Variants in CSMD1 observed in about 807,000 individuals in gnomAD.
CSMD1 encodes the protein CUB and sushi domain-containing protein 1.
A neutral mutation model predicts 417.5 loss-of-function variants in CSMD1; 213 were observed. That is an observed-to-expected ratio of 0.51 (90% confidence interval 0.46 to 0.57). The LOEUF is 0.57. Ranked by LOEUF, CSMD1 falls within the 20% of genes least tolerant of loss-of-function variation. The probability of loss-of-function intolerance (pLI) is 0.00; values close to 1 mark genes in which losing one functional copy is unlikely to be tolerated. For missense variants in CSMD1, 6,923 were observed against 4,529.7 expected (o/e 1.53, Z -15.17); for synonymous variants, 2,862 against 1,736.8 (o/e 1.65, Z -16.11).
intron 50 of CSMD1, among the ~76,000 whole-genome samples, chr8:3,047,592 T>C (rs1427404672): frequency 1.3e-5 from 2 of 152,214 alleles, no homozygotes; most frequent in Non-Finnish European, 2.9e-5. Flanking sequence ...GCTGTCCTGA[T>C]GGAATCCAGG....
intron 3 of CSMD1, among the ~76,000 whole-genome samples, chr8:4,353,329 G>C (rs537033870): frequency 9.1e-4 from 139 of 152,202 alleles, no homozygotes; most frequent in Non-Finnish European, 1.8e-3. Context: ...CACCATGTAA[G>C]ATGTGACTTT....
intron 1 of CSMD1, among the ~76,000 whole-genome samples, chr8:4,944,437 T>G (rs1808228688): frequency 6.6e-6 from 1 of 152,164 alleles, no homozygotes; most frequent in Non-Finnish European, 1.5e-5. Flanking sequence ...TGAGATATAA[T>G]TTTCATTCTT....
At chr8:4,756,258 C>G (rs1262085432) in intron 1 of CSMD1, among the ~76,000 whole-genome samples, 1 of 152,102 alleles carries the variant, frequency 6.6e-6, no homozygotes, top group African/African-American at 2.4e-5. Context: ...CAGAAAAGAG[C>G]TAGTATAAAA....
At position 4,841,983 on chromosome 8, in the gene CSMD1, G is replaced by C. The variant is rs76056454; in HGVS notation, c.85+152349C>G. On this transcript the variant is annotated intron_variant, in intron 1 of 69. Coordinates refer to ENST00000635120, the MANE Select transcript of CSMD1 (RefSeq NM_033225.6). ...ACTGTCCTGAATGCATTTTTGTCCT[G>C]CCTCTAATTGATAGGGAAACCCTAG... is the stretch of plus-strand genomic sequence containing the variant. Among the ~76,000 whole-genome samples, 151 of 144,658 alleles carry C rather than the reference G, an allele frequency of 1.0e-3. 4 individuals carry two copies. The highest frequency in any genetic ancestry group is 3.8e-3 in the African/African-American group (148 of 39,092). 94.9% of individuals were successfully genotyped at this position (144,658 alleles called of 152,430 possible).
chr8:3,239,542 A>C (rs1212576039), intron 26 of CSMD1, among the ~76,000 whole-genome samples: 1 of 152,150 alleles, frequency 6.6e-6, no homozygotes, highest in Admixed American at 6.5e-5. Context: ...GCAGGGGCAA[A>C]TCCTGGAGCT....
chr8:3,810,246 C>G (rs140756617), intron 5 of CSMD1, among the ~76,000 whole-genome samples: 86 of 152,162 alleles, frequency 5.7e-4, no homozygotes, highest in African/African-American at 1.6e-3. Flanking sequence ...ATAGAGATTT[C>G]AAAAGGAATG....
chr8:3,459,557 C>A (rs1316666285), intron 12 of CSMD1, among the ~76,000 whole-genome samples: 1 of 152,116 alleles, frequency 6.6e-6, no homozygotes, highest in Non-Finnish European at 1.5e-5. Context: ...CATGGGAGAT[C>A]TGTGCAGAAA....
chr8:3,708,307 G>C, intron 7 of CSMD1, 107 bp downstream of exon 7: 1 of 819,324 alleles, frequency 1.2e-6, no homozygotes, highest in Non-Finnish European at 2.0e-6. Context: ...AAAGAAGGAA[G>C]AGATAACGTG....
intron 25 of CSMD1, among the ~76,000 whole-genome samples, chr8:3,298,578 C>T (rs573740885): frequency 4.0e-4 from 61 of 152,214 alleles, no homozygotes; most frequent in African/African-American, 1.1e-3. Flanking sequence ...CTCAGCCTCC[C>T]GAGTAGCTGG....
intron 3 of CSMD1, among the ~76,000 whole-genome samples, chr8:4,095,344 C>T (rs1214021991): frequency 6.6e-6 from 1 of 152,030 alleles, no homozygotes; most frequent in African/African-American, 2.4e-5. Context: ...CAGCTTCCTG[C>T]ATTGCCTGGT....
chr8:4,001,877 C>A (rs1225578571), intron 4 of CSMD1, among the ~76,000 whole-genome samples: 2 of 150,962 alleles, frequency 1.3e-5, no homozygotes, highest in Non-Finnish European at 3.0e-5. Context: ...AAGAAAAAAA[C>A]AATTAAGGTA....
intron 6 of CSMD1, among the ~76,000 whole-genome samples, chr8:3,710,053 T>C (rs1258754372): frequency 6.6e-6 from 1 of 152,034 alleles, no homozygotes. Context: ...GCCTTACCAA[T>C]AACATAAACA....
intron 2 of CSMD1, among the ~76,000 whole-genome samples, chr8:4,635,463 T>C (rs1045294776): frequency 1.3e-5 from 2 of 152,122 alleles, no homozygotes; most frequent in South Asian, 4.1e-4. Context: ...GTCAGTCAAA[T>C]TAAGACAGGT....
intron 13 of CSMD1, 51 bp from the exon 14 acceptor site, chr8:3,408,276 T>G (rs374768758): frequency 1.4e-6 from 2 of 1,414,870 alleles, no homozygotes; most frequent in Non-Finnish European, 1.9e-6. Context: ...ATCCAAAGAA[T>G]TGCCATGTGA....
At chr8:3,356,252 G>C (rs541228277) in intron 21 of CSMD1, among the ~76,000 whole-genome samples, 3 of 152,218 alleles carry the variant, frequency 2.0e-5, no homozygotes, top group Admixed American at 6.5e-5. Context: ...AAGCATGGAT[G>C]AATCAAATTT....
chr8:3,650,279 GA>G lies in CSMD1; in HGVS notation c.1010-33483del, dbSNP rs35796175. On this transcript the variant is annotated intron_variant, in intron 7 of 69. Transcript: ENST00000635120. ...GGTGACAGAGCAAGACTCTTTCTCA[GA>G]AAAAAAAAAGAAAAGTAAAGAAAAA... 2.0e-4 allele frequency among the ~76,000 whole-genome samples: 29 copies of G among 145,650 alleles called. No homozygotes were observed. The East Asian group carries it at 3.4e-3, about 17-fold the overall frequency.
intron 3 of CSMD1, among the ~76,000 whole-genome samples, chr8:4,407,738 G>T (rs969385205): frequency 6.6e-6 from 1 of 152,148 alleles, no homozygotes; most frequent in Non-Finnish European, 1.5e-5. Context: ...ATTCATGCAT[G>T]TAAGCATTCC....
At chr8:3,764,457 G>C (rs1798163744) in intron 5 of CSMD1, among the ~76,000 whole-genome samples, 2 of 152,162 alleles carry the variant, frequency 1.3e-5, no homozygotes, top group Admixed American at 6.5e-5. Context: ...GAAGACATGC[G>C]TGTGAGTGAG....
intron 5 of CSMD1, among the ~76,000 whole-genome samples, chr8:3,960,171 T>C (rs917146841): frequency 6.6e-6 from 1 of 152,230 alleles, no homozygotes; most frequent in Non-Finnish European, 1.5e-5. Flanking sequence ...TCTTCTTGTA[T>C]GTTGCCTTTA....
Sources: allele counts gnomAD v4.1 joint callset (sites outside exome capture counted in the v4.1 genomes callset), GRCh38; gene constraint gnomAD v4.1.1; transcripts MANE v1.5; gene names NCBI Gene and HGNC (gene_info 2026-07-23, HGNC 2026-07-21).